The following MYO3B variants were observed in gnomAD, a reference collection of about 807,000 sequenced individuals.
The protein encoded by MYO3B is myosin IIIB, also known as myosin-IIIb.
MYO3B carries 156 observed loss-of-function variants against 174.6 expected under a neutral mutation model. The observed-to-expected ratio is 0.89, with a 90% CI of 0.78 to 1.02. The LOEUF (loss-of-function observed/expected upper bound fraction) is 1.02, where lower values mean the gene tolerates loss of function less well. Among genes scored for constraint, MYO3B ranks in the 50% least tolerant of loss-of-function variants. MYO3B has a pLI of 0.00. For missense variants in MYO3B, 1,632 were observed against 1,639.4 expected (o/e 1.00, Z 0.08); for synonymous variants, 563 against 569.1 (o/e 0.99, Z 0.15).
At chr2:170,191,421 GT>G (rs2092539072) in intron 1 of MYO3B, among the ~76,000 whole-genome samples, 1 of 152,050 alleles carries the variant, frequency 6.6e-6, no homozygotes, top group Admixed American at 6.6e-5. Flanking sequence ...TGCAGTCTTT[GT>G]GGCCTAGACT....
intron 7 of MYO3B, among the ~76,000 whole-genome samples, chr2:170,274,089 CGA>C (rs111859976): frequency 7.5e-4 from 110 of 147,314 alleles, no homozygotes; most frequent in African/African-American, 2.2e-3. Context: ...AAGCAAACTA[CGA>C]GAGAGAGAGA....
intron 23 of MYO3B, among the ~76,000 whole-genome samples, chr2:170,457,786 G>A (rs563468567): frequency 3.3e-5 from 5 of 152,200 alleles, no homozygotes; most frequent in South Asian, 2.1e-4. Flanking sequence ...ACAGAGTTTC[G>A]CTGTGTTGTC....
chr2:170,395,941 T>C (rs1050603053), intron 16 of MYO3B, among the ~76,000 whole-genome samples: 1 of 152,316 alleles, frequency 6.6e-6, no homozygotes, highest in African/African-American at 2.4e-5. Flanking sequence ...ATCAAGAGAA[T>C]ACTACATCAA....
chr2:170,492,887 T>C (rs901393096), intron 25 of MYO3B, among the ~76,000 whole-genome samples: 2 of 152,224 alleles, frequency 1.3e-5, no homozygotes, highest in African/African-American at 2.4e-5. Context: ...TTTGCTGACA[T>C]GGGCCAGGTC....
chr2:170,481,375 A>C (rs1439344453), intron 25 of MYO3B, among the ~76,000 whole-genome samples: 1 of 152,176 alleles, frequency 6.6e-6, no homozygotes. Flanking sequence ...ACTTGAGCCC[A>C]GTCATTCGAG....
At chr2:170,589,296 C>T (rs1426492506) in intron 32 of MYO3B, among the ~76,000 whole-genome samples, 2 of 152,120 alleles carry the variant, frequency 1.3e-5, no homozygotes, top group Admixed American at 1.3e-4. Flanking sequence ...AAGAAACGAA[C>T]CAAGTAAACT....
At chr2:170,638,296 A>C (rs755361252) in intron 32 of MYO3B, among the ~76,000 whole-genome samples, 3 of 152,208 alleles carry the variant, frequency 2.0e-5, no homozygotes, top group Non-Finnish European at 4.4e-5. Context: ...GCAAAGGCTG[A>C]GGTGAGGTTT....
intron 32 of MYO3B, among the ~76,000 whole-genome samples, chr2:170,570,185 T>C (rs1692343985): frequency 6.6e-6 from 1 of 152,204 alleles, no homozygotes; most frequent in Admixed American, 6.5e-5. Context: ...ATGAAAGTTC[T>C]TGGCTGAAGA....
intron 22 of MYO3B, among the ~76,000 whole-genome samples, chr2:170,410,449 C>T (rs958994895): frequency 3.9e-5 from 6 of 151,908 alleles, no homozygotes; most frequent in African/African-American, 9.7e-5. Context: ...GGTGTGGTGG[C>T]GGGCACCTGT....
intron 32 of MYO3B, among the ~76,000 whole-genome samples, chr2:170,583,088 G>T (rs1304286213): frequency 1.0e-5 from 1 of 96,962 alleles, no homozygotes; most frequent in Non-Finnish European, 2.0e-5. Flanking sequence ...CCCCACTGCA[G>T]CCCCTCCACC....
intron 32 of MYO3B, among the ~76,000 whole-genome samples, chr2:170,636,356 CTGTT>C (rs544506020): frequency 1.3e-5 from 2 of 151,650 alleles, no homozygotes; most frequent in African/African-American, 4.9e-5. Context: ...AATAACATAA[CTGTT>C]TGTGTTATGT....
intron 22 of MYO3B, among the ~76,000 whole-genome samples, chr2:170,434,119 A>T (rs1411239911): frequency 6.6e-6 from 1 of 152,222 alleles, no homozygotes; most frequent in Non-Finnish European, 1.5e-5. Flanking sequence ...ATCTAAAATA[A>T]ATCCTTCTTA....
chr2:170,570,225 C>T (rs1692347884), intron 32 of MYO3B, among the ~76,000 whole-genome samples: 1 of 152,074 alleles, frequency 6.6e-6, no homozygotes, highest in South Asian at 2.1e-4. Context: ...GAGAGAAAAC[C>T]AACTTTGCCC....
chr2:170,608,844 C>T (rs1001276406), intron 32 of MYO3B, among the ~76,000 whole-genome samples: 10 of 152,122 alleles, frequency 6.6e-5, no homozygotes, highest in African/African-American at 2.2e-4. Context: ...AGGAAAACTA[C>T]AAGAAAGACT....
intron 32 of MYO3B, among the ~76,000 whole-genome samples, chr2:170,622,415 C>G (rs1242998911): frequency 6.6e-6 from 1 of 152,106 alleles, no homozygotes; most frequent in Non-Finnish European, 1.5e-5. Context: ...TACATGCTTG[C>G]TTAAAAAACA....
At chr2:170,276,303 G>T (rs772939303) in intron 7 of MYO3B, among the ~76,000 whole-genome samples, 2 of 152,062 alleles carry the variant, frequency 1.3e-5, no homozygotes, top group Non-Finnish European at 2.9e-5. Context: ...CAAATTGGTC[G>T]TCTGTTATTT....
intron 6 of MYO3B, among the ~76,000 whole-genome samples, chr2:170,222,388 A>G (rs527703070): frequency 6.6e-6 from 1 of 152,322 alleles, no homozygotes; most frequent in South Asian, 2.1e-4. Flanking sequence ...AGCTTTAAAC[A>G]ACAGAAATAT....
At chr2:170,389,351 C>T (rs1256970229) in intron 14 of MYO3B, among the ~76,000 whole-genome samples, 2 of 152,188 alleles carry the variant, frequency 1.3e-5, no homozygotes. Context: ...GAGTCTGGCA[C>T]AGTGTAAGAT....
intron 8 of MYO3B, among the ~76,000 whole-genome samples, chr2:170,339,648 A>G (rs1172809976): frequency 6.6e-6 from 1 of 152,186 alleles, no homozygotes; most frequent in East Asian, 1.9e-4. Flanking sequence ...AGATAGTAAG[A>G]GAGATTTTTT....
Sources: allele counts gnomAD v4.1 joint callset (sites outside exome capture counted in the v4.1 genomes callset), GRCh38; gene constraint gnomAD v4.1.1; transcripts MANE v1.5; gene names NCBI Gene and HGNC (gene_info 2026-07-23, HGNC 2026-07-21).